PIGN: variants seen among roughly 807,000 people sequenced by gnomAD.
PIGN encodes the protein GPI ethanolamine phosphate transferase 1.
Under a neutral mutation model 125.4 loss-of-function variants are expected in PIGN, and 117 were observed. The observed-to-expected ratio is 0.93, with a 90% CI of 0.80 to 1.09. The LOEUF (loss-of-function observed/expected upper bound fraction) is 1.09, where lower values mean the gene tolerates loss of function less well. PIGN is among the 50% of genes least tolerant of loss of function. PIGN has a pLI of 0.00. For synonymous variants in PIGN, 392 were observed against 377.8 expected (o/e 1.04, Z -0.44); for missense variants, 1,075 against 1,094.9 (o/e 0.98, Z 0.26).
At chr18:62,030,621 A>C (rs1261153207) in intron 23 of PIGN, among the ~76,000 whole-genome samples, 1 of 152,204 alleles carries the variant, frequency 6.6e-6, no homozygotes, top group Non-Finnish European at 1.5e-5. Context: ...CTTTAGGTTT[A>C]TGTGCTGATA....
chr18:62,137,443 T>A, intron 14 of PIGN: 1 of 214,232 alleles, frequency 4.7e-6, no homozygotes, highest in Non-Finnish European at 9.2e-6. Flanking sequence ...CACATATACA[T>A]CTATCCTATT....
intron 1 of PIGN, among the ~76,000 whole-genome samples, chr18:62,175,071 T>A (rs1288171088): frequency 1.1e-5 from 1 of 90,190 alleles, no homozygotes; most frequent in Non-Finnish European, 2.5e-5. Flanking sequence ...ATAATAAATA[T>A]ATATATTTAA....
At chr18:62,174,005 A>G (rs4245287) in intron 1 of PIGN, among the ~76,000 whole-genome samples, 88,493 of 152,002 alleles carry the variant, frequency 0.58, 26,570 homozygotes, top group East Asian at 0.78. Flanking sequence ...CACGAAGTCA[A>G]GAGTTCGAGA....
At chr18:62,158,952 T>C (rs946663304) in intron 4 of PIGN, among the ~76,000 whole-genome samples, 1 of 152,240 alleles carries the variant, frequency 6.6e-6, no homozygotes, top group Non-Finnish European at 1.5e-5. Context: ...AGATCACGTT[T>C]TTATAAAACA....
At chr18:62,143,026 A>G (rs1207235967) in intron 11 of PIGN, among the ~76,000 whole-genome samples, 1 of 152,226 alleles carries the variant, frequency 6.6e-6, no homozygotes, top group East Asian at 1.9e-4. Context: ...AAAAGCAATC[A>G]CAGAAATTTA....
chr18:62,059,332 CA>C (rs1452527595), intron 30 of PIGN, among the ~76,000 whole-genome samples: 2 of 151,850 alleles, frequency 1.3e-5, no homozygotes, highest in South Asian at 2.1e-4. Context: ...ACCTTGGTTC[CA>C]GGGGGGAAAC....
rs138932251 is a variant in PIGN at position 62,138,784 on chromosome 18, AAC to A, written c.1116+197_1116+198del. ...ATCTTACATGCAGTCATACTCCTCA[AAC>A]ACAATTTTATGTCCTCAGACTGAGC... On this transcript the variant is annotated intron_variant, in intron 13 of 30. Transcript: ENST00000640252. Among the ~76,000 whole-genome samples the A allele has an allele frequency of 0.066, 10,046 of 152,210 alleles. 611 individuals are homozygous for A. Among genetic ancestry groups the A allele is most frequent in the African/African-American group, 0.16 (6,661 of 41,486 alleles).
At chr18:62,169,361 C>T (rs1299987001) in intron 1 of PIGN, among the ~76,000 whole-genome samples, 2 of 152,146 alleles carry the variant, frequency 1.3e-5, no homozygotes, top group Non-Finnish European at 2.9e-5. Context: ...TTAACAGACA[C>T]TTGTGTTGTT....
chr18:62,101,177 T>A lies in PIGN; in HGVS notation c.1975A>T (p.Ser659Cys). Reference protein sequence around the residue: ...ELLVHLLQVLSTVLSMYVVYS... With the variant: ...ELLVHLLQVLCTVLSMYVVYS... The stretch of plus-strand genomic sequence containing the variant: ...ACAACATACATGGAGAGCACTGTGC[T>A]CAGCACCTAAAGACAAAGATGAAAT... The change falls in exon 22 of 31, where the codon AGC becomes TGC. Residue 659 changes from serine to cysteine, a missense_variant. Coordinates refer to ENST00000640252, the MANE Select transcript of PIGN (RefSeq NM_176787.5). 6.3e-7 allele frequency: 1 copy of A among 1,582,876 alleles called. No individual in the cohort carries two copies. The highest frequency in any genetic ancestry group is 8.7e-7 in the Non-Finnish European group (1 of 1,154,310).
chr18:62,046,540 C>A (rs1296541940), intron 30 of PIGN, among the ~76,000 whole-genome samples: 1 of 129,284 alleles, frequency 7.7e-6, no homozygotes, highest in African/African-American at 2.6e-5. Context: ...TGAGGTGGAA[C>A]AGTTTCATCC....
intron 14 of PIGN, among the ~76,000 whole-genome samples, chr18:62,134,432 G>T (rs953533286): frequency 2.0e-5 from 3 of 151,994 alleles, no homozygotes; most frequent in Admixed American, 2.0e-4. Context: ...CTAAACCTCT[G>T]ACGAATTCAA....
Position 62,157,718 on chromosome 18 carries a change from C to T in PIGN, c.312G>A (p.Gly104=). The T allele has an allele frequency of 1.2e-6, 2 of 1,612,062 alleles. No individual in the cohort carries two copies. The highest frequency in any genetic ancestry group is 1.7e-6 in the Non-Finnish European group (2 of 1,178,974). Reference sequence around the variant, plus strand: ...CAACTGCACTGACATCTTCATAAAACCCAGCTATCAGAGCTACATGACCTG... The same window carrying T: ...CAACTGCACTGACATCTTCATAAAATCCAGCTATCAGAGCTACATGACCTG... The part of the protein sequence containing the change: ...SRPGHVALIA[G]FYEDVSAVAK... Residue 104 remains glycine, a synonymous_variant, in exon 5 of 31, where the codon GGG becomes GGA. Transcript: ENST00000640252.
Position 62,043,140 on chromosome 18 carries a change from G to GC in PIGN, c.*2715_*2716insG, listed in dbSNP as rs1310212927. On this transcript the variant is annotated 3_prime_UTR_variant, in exon 31 of 31. Transcript: ENST00000640252. ...CTTAAAAGAAGGAGTTCTCAGAACT[G>GC]GTCTGAAGGGGGTCTTCTCCAAATG... The GC allele has an allele frequency of 6.6e-6, 1 of 152,076 alleles. No homozygotes were observed. Among genetic ancestry groups the GC allele is most frequent in the African/African-American group, 2.4e-5 (1 of 41,394 alleles). The allele number at this position is 152,076 out of a possible 1,614,324, so 9.4% of individuals were successfully genotyped here.
chr18:62,105,289 A>G (rs1314351497), intron 20 of PIGN: 1 of 263,988 alleles, frequency 3.8e-6, no homozygotes, highest in Non-Finnish European at 7.3e-6. Context: ...GACTTAAACA[A>G]AAAAAAATGG....
At chr18:62,170,391 G>A (rs1217470290) in intron 1 of PIGN, among the ~76,000 whole-genome samples, 2 of 152,020 alleles carry the variant, frequency 1.3e-5, no homozygotes, top group Admixed American at 1.3e-4. Flanking sequence ...GTCATATTTT[G>A]TAATTCTTGC....
chr18:62,101,083 G>A lies in PIGN; in HGVS notation c.2069C>T (p.Ala690Val). 1 of 1,591,368 alleles carries A rather than the reference G, an allele frequency of 6.3e-7. No individual in the cohort carries two copies. The highest frequency in any genetic ancestry group is 8.6e-7 in the Non-Finnish European group (1 of 1,159,560). Reference protein sequence around the residue: ...LPLMNQIISWATLASSLVVPL... With the variant: ...LPLMNQIISWVTLASSLVVPL... ...TTTGAGTGGCCTCTTACCTAATGTTGCCCAGCTAATAATTTGATTCATGAG... is the reference window on the plus strand; with the variant it reads ...TTTGAGTGGCCTCTTACCTAATGTTACCCAGCTAATAATTTGATTCATGAG... The change falls in exon 22 of 31, where the codon GCA (alanine) becomes GTA (valine). Residue 690 changes from alanine (A) to valine (V), a missense_variant. Coordinates refer to ENST00000640252, the MANE Select transcript of PIGN (RefSeq NM_176787.5).
chr18:62,090,590 G>A lies in PIGN; in HGVS notation c.2181-12C>T. The A allele has an allele frequency of 1.3e-6, 2 of 1,489,828 alleles. No individual in the cohort carries two copies. Among genetic ancestry groups the A allele is most frequent in the Non-Finnish European group, 1.9e-6 (2 of 1,075,306 alleles). The allele number at this position is 1,489,828 out of a possible 1,614,324, so 92.3% of individuals were successfully genotyped here. ...AGAGAGCTTCATACCTAACAGGTGG[G>A]GAAAGGTAGAAATGAAAAGAAAAAA... is the stretch of plus-strand genomic sequence containing the variant. On this transcript the variant is annotated splice_polypyrimidine_tract_variant and intron_variant, in intron 23 of 30. Transcript: ENST00000640252.
intron 1 of PIGN, among the ~76,000 whole-genome samples, chr18:62,164,963 A>G (rs1215367383): frequency 6.6e-6 from 1 of 152,158 alleles, no homozygotes; most frequent in African/African-American, 2.4e-5. Flanking sequence ...GAAGGTTGCT[A>G]TGGTTTGTGC....
At chr18:62,132,175 G>A (rs1254131582) in intron 14 of PIGN, among the ~76,000 whole-genome samples, 1 of 152,078 alleles carries the variant, frequency 6.6e-6, no homozygotes, top group African/African-American at 2.4e-5. Flanking sequence ...AAGACATGCT[G>A]ACATTATGTG....
Sources: gnomAD v4.1 joint callset for allele counts (sites outside exome capture counted in the v4.1 genomes callset) on GRCh38, gnomAD v4.1.1 for gene constraint, MANE v1.5 for transcripts, NCBI Gene and HGNC (gene_info 2026-07-23, HGNC 2026-07-21) for gene names.